CTNNA3: variants seen among roughly 807,000 people sequenced by gnomAD.
CTNNA3 encodes catenin alpha 3.
A neutral mutation model predicts 95.7 loss-of-function variants in CTNNA3; 76 were observed. That is an observed-to-expected ratio of 0.79 (90% CI 0.66 to 0.96). The LOEUF (loss-of-function observed/expected upper bound fraction) is 0.96. Ranked by LOEUF, CTNNA3 falls within the 40% of genes least tolerant of loss-of-function variation. The pLI is 0.00. For synonymous variants in CTNNA3, 431 were observed against 374.4 expected (o/e 1.15, Z -1.74); for missense variants, 1,191 against 1,089.8 (o/e 1.09, Z -1.31).
intron 11 of CTNNA3, among the ~76,000 whole-genome samples, chr10:66,385,002 A>T (rs573115202): frequency 6.6e-6 from 1 of 152,242 alleles, no homozygotes; most frequent in Non-Finnish European, 1.5e-5. Flanking sequence ...AAGATCTAAA[A>T]TTGACACCCT....
chr10:66,354,400 T>C (rs2092593071), intron 12 of CTNNA3, among the ~76,000 whole-genome samples: 2 of 151,866 alleles, frequency 1.3e-5, no homozygotes, highest in South Asian at 2.1e-4. Flanking sequence ...GGTATCAAGC[T>C]CTGCTTCCTT....
rs565890957 is a variant in CTNNA3, at chr10:67,144,730, A to G, written c.1047+35587T>C. Among the ~76,000 whole-genome samples, 178 of 152,242 alleles carry G rather than the reference A, an allele frequency of 1.2e-3. 2 individuals carry two copies. Among genetic ancestry groups the G allele is most frequent in the African/African-American group, 4.0e-3 (165 of 41,546 alleles). On this transcript the variant is annotated intron_variant, in intron 7 of 17. Transcript: ENST00000433211. ...TGGATTAGGCTTTGTGGCTGGTTTGATCTTCTATCCAGACCACTAAAACCT... is the reference window on the plus strand; with the variant it reads ...TGGATTAGGCTTTGTGGCTGGTTTGGTCTTCTATCCAGACCACTAAAACCT...
intron 11 of CTNNA3, among the ~76,000 whole-genome samples, chr10:66,469,257 C>G (rs1003016390): frequency 1.3e-5 from 2 of 151,686 alleles, no homozygotes; most frequent in African/African-American, 4.8e-5. Flanking sequence ...TGGAAGCTGT[C>G]AAGGAATTTT....
At position 67,048,943 on chromosome 10, in the gene CTNNA3, G is replaced by C. The variant is rs184320741; in HGVS notation, c.1047+131374C>G. On this transcript the variant is annotated intron_variant, in intron 7 of 17. Transcript: ENST00000433211. Reference sequence around the variant, plus strand: ...TAGTCATTCCTTAATTTTATACTTAGTTATTCCTTAGTTATTCTTAGTTAT... The same window carrying C: ...TAGTCATTCCTTAATTTTATACTTACTTATTCCTTAGTTATTCTTAGTTAT... Among the ~76,000 whole-genome samples the C allele has an allele frequency of 8.8e-5, 13 of 148,240 alleles. No homozygotes were observed. In the East Asian group the frequency reaches 1.9e-3, roughly 22 times the overall value.
At chr10:66,692,466 A>T (rs1480945365) in intron 9 of CTNNA3, among the ~76,000 whole-genome samples, 1 of 152,166 alleles carries the variant, frequency 6.6e-6, no homozygotes, top group Admixed American at 6.5e-5. Flanking sequence ...ACTATGTGAA[A>T]AGACCAAATC....
At position 67,213,918 on chromosome 10, in the gene CTNNA3, T is replaced by C. The variant is rs1485112444; in HGVS notation, c.843+5689A>G. ...CCTATCAGTAGATAGTAACTGTCAT[T>C]AGCATTTTTACTAGTATTGATATAG... On this transcript the variant is annotated intron_variant, in intron 6 of 17. Coordinates refer to ENST00000433211, the MANE Select transcript of CTNNA3 (RefSeq NM_013266.4). Among the ~76,000 whole-genome samples, 3 of 151,830 alleles carry C rather than the reference T, an allele frequency of 2.0e-5. No homozygotes were observed. The East Asian group carries it at 5.8e-4, about 29-fold the overall frequency.
intron 7 of CTNNA3, among the ~76,000 whole-genome samples, chr10:67,031,956 T>C (rs539590732): frequency 7.9e-5 from 12 of 152,326 alleles, no homozygotes; most frequent in Non-Finnish European, 1.2e-4. Context: ...AATTACTTTT[T>C]AATCTCAGAA....
chr10:67,497,507 C>G (rs1839065240), intron 5 of CTNNA3, among the ~76,000 whole-genome samples: 1 of 152,226 alleles, frequency 6.6e-6, no homozygotes, highest in African/African-American at 2.4e-5. Context: ...GGAATTGCCA[C>G]ACTGTCTTCC....
intron 5 of CTNNA3, among the ~76,000 whole-genome samples, chr10:67,324,565 C>G (rs11510949): frequency 1.3e-5 from 2 of 152,050 alleles, no homozygotes; most frequent in Admixed American, 6.6e-5. Flanking sequence ...ATTGAACCAA[C>G]CTTGCATTCT....
chr10:66,426,859 T>G (rs1336169993), intron 11 of CTNNA3, among the ~76,000 whole-genome samples: 1 of 152,030 alleles, frequency 6.6e-6, no homozygotes, highest in Non-Finnish European at 1.5e-5. Context: ...TGATACATGT[T>G]ATAATTTCTC....
chr10:66,932,827 A>G (rs1286245092), intron 7 of CTNNA3, among the ~76,000 whole-genome samples: 1 of 152,196 alleles, frequency 6.6e-6, no homozygotes, highest in African/African-American at 2.4e-5. Context: ...ACTACCAATA[A>G]AATCTAAATA....
intron 7 of CTNNA3, among the ~76,000 whole-genome samples, chr10:66,823,351 TATTA>T (rs1264930038): frequency 6.6e-6 from 1 of 152,234 alleles, no homozygotes; most frequent in Non-Finnish European, 1.5e-5. Flanking sequence ...ATCCTTTTGT[TATTA>T]ATTTCCTAAC....
At chr10:66,480,664 G>A (rs1379768848) in intron 11 of CTNNA3, among the ~76,000 whole-genome samples, 1 of 152,068 alleles carries the variant, frequency 6.6e-6, no homozygotes, top group East Asian at 1.9e-4. Context: ...GAGTGCAGTG[G>A]CGCAATCTCG....
At chr10:66,069,560 T>G in intron 14 of CTNNA3, 71 bp from the exon 15 acceptor site, 1 of 1,141,956 alleles carries the variant, frequency 8.8e-7, no homozygotes, top group Non-Finnish European at 1.2e-6. Flanking sequence ...AAGTAGATAT[T>G]ATAGGATACT....
At chr10:67,045,486 T>C (rs769635580) in intron 7 of CTNNA3, among the ~76,000 whole-genome samples, 2 of 152,214 alleles carry the variant, frequency 1.3e-5, no homozygotes, top group African/African-American at 4.8e-5. Flanking sequence ...TGACTTTCAA[T>C]AGATCGCGGC....
intron 7 of CTNNA3, among the ~76,000 whole-genome samples, chr10:66,932,419 A>G (rs1261579716): frequency 1.3e-5 from 2 of 152,190 alleles, no homozygotes; most frequent in Admixed American, 6.5e-5. Context: ...CATGGCAAGT[A>G]AGAATCGAGC....
At chr10:67,246,494 A>G (rs1291339854) in intron 5 of CTNNA3, among the ~76,000 whole-genome samples, 1 of 152,172 alleles carries the variant, frequency 6.6e-6, no homozygotes, top group Non-Finnish European at 1.5e-5. Context: ...TCCATATAGC[A>G]TACCAGAGTT....
chr10:66,417,564 T>A (rs1589221151), intron 11 of CTNNA3, among the ~76,000 whole-genome samples: 1 of 151,976 alleles, frequency 6.6e-6, no homozygotes, highest in African/African-American at 2.4e-5. Flanking sequence ...ATCCAACAAC[T>A]GCAGAATACA....
At chr10:67,499,209 G>C (rs1201088496) in intron 5 of CTNNA3, among the ~76,000 whole-genome samples, 1 of 152,112 alleles carries the variant, frequency 6.6e-6, no homozygotes, top group African/African-American at 2.4e-5. Flanking sequence ...TTTTGTCGTT[G>C]GTTCTGTTTA....
Sources: gnomAD v4.1 joint callset for allele counts (sites outside exome capture counted in the v4.1 genomes callset) on GRCh38, gnomAD v4.1.1 for gene constraint, MANE v1.5 for transcripts, NCBI Gene and HGNC (gene_info 2026-07-23, HGNC 2026-07-21) for gene names.